TUBGCP4: variants seen among roughly 807,000 people sequenced by gnomAD.
The protein encoded by TUBGCP4 is tubulin gamma complex component 4, also known as gamma-tubulin complex component 4.
A neutral mutation model predicts 91.6 loss-of-function variants in TUBGCP4; 54 were observed. That is an observed-to-expected ratio of 0.59 (90% CI 0.47 to 0.74). TUBGCP4 has a LOEUF of 0.74. Among genes scored for constraint, TUBGCP4 ranks in the 30% least tolerant of loss-of-function variants. The pLI is 0.00. For synonymous variants in TUBGCP4, 297 were observed against 302.8 expected (o/e 0.98, Z 0.20); for missense variants, 593 against 800.9 (o/e 0.74, Z 3.13).
chr15:43,404,050 T>TCTAA (rs762829633), intron 16 of TUBGCP4: 7 of 539,378 alleles, frequency 1.3e-5, no homozygotes, highest in Non-Finnish European at 2.3e-5. Context: ...ATTGGGTTGT[T>TCTAA]CTAACTTCCT....
chr15:43,409,055 A>G lies in TUBGCP4; in HGVS notation c.*3841A>G. The G allele has an allele frequency of 6.2e-7, 1 of 1,614,244 alleles. No individual in the cohort carries two copies. Among genetic ancestry groups the G allele is most frequent in the Non-Finnish European group, 8.5e-7 (1 of 1,180,042 alleles). On this transcript the variant is annotated 3_prime_UTR_variant, in exon 18 of 18. Coordinates refer to ENST00000564079, the MANE Select transcript of TUBGCP4 (RefSeq NM_014444.5). ...ACAGGAAGTACTTCCGGGTTCGACA[A>G]TGCTGATCCGCAATTAGAAGACACT...
intron 9 of TUBGCP4, among the ~76,000 whole-genome samples, chr15:43,392,100 A>ACACACC: frequency 6.6e-6 from 1 of 151,052 alleles, no homozygotes; most frequent in African/African-American, 2.4e-5. Flanking sequence ...ACACACACAC[A>ACACACC]CACACACACA....
At chr15:43,391,429 G>A (rs2044466579) in intron 9 of TUBGCP4, 1 of 152,254 alleles carries the variant, frequency 6.6e-6, no homozygotes, top group Non-Finnish European at 1.5e-5. Context: ...TAGAACTCTT[G>A]GCTTCAAGCA....
intron 9 of TUBGCP4, among the ~76,000 whole-genome samples, chr15:43,388,673 T>A (rs147421383): frequency 2.6e-5 from 4 of 152,304 alleles, no homozygotes; most frequent in African/African-American, 7.2e-5. Context: ...ATAGAAAAAT[T>A]GTTTTTTCTT....
At chr15:43,403,539 T>C (rs1277977780) in intron 15 of TUBGCP4, 144 bp from the exon 16 acceptor site, 21 of 628,080 alleles carry the variant, frequency 3.3e-5, no homozygotes, top group Non-Finnish European at 5.4e-5. Context: ...CTGGCAGGCC[T>C]TGCACGTGGC....
At chr15:43,389,824 G>A (rs923156300) in intron 9 of TUBGCP4, among the ~76,000 whole-genome samples, 15 of 152,144 alleles carry the variant, frequency 9.9e-5, no homozygotes, top group Non-Finnish European at 2.2e-4. Flanking sequence ...CGAATGAGGA[G>A]CATAGTCAGG....
rs755297629 is a variant in TUBGCP4 at position 43,376,201 on chromosome 15, A to G, written c.182A>G (p.Gln61Arg). 3 of 1,613,958 alleles carry G rather than the reference A, an allele frequency of 1.9e-6. No individual in the cohort carries two copies. The East Asian group carries it at 6.7e-5, about 36-fold the overall frequency. The change falls in exon 2 of 18, where the codon CAG becomes CGG. Residue 61 changes from glutamine (Q) to arginine (R), a missense_variant. By Grantham distance (43) the Gln-to-Arg change is conservative (BLOSUM62 1). Coordinates refer to ENST00000564079, the MANE Select transcript of TUBGCP4 (RefSeq NM_014444.5). Reference sequence around the variant, plus strand: ...ATTCGCTTCACTGAGTTCATTGAACAGTACACGGGCCATGTGCAACAGCAG... The same window carrying G: ...ATTCGCTTCACTGAGTTCATTGAACGGTACACGGGCCATGTGCAACAGCAG... ...DYIRFTEFIEQYTGHVQQQDH... is the reference protein window; with the variant it reads ...DYIRFTEFIERYTGHVQQQDH...
intron 9 of TUBGCP4, among the ~76,000 whole-genome samples, chr15:43,389,534 CTCTT>C (rs2044433472): frequency 6.6e-6 from 1 of 152,092 alleles, no homozygotes; most frequent in Non-Finnish European, 1.5e-5. Flanking sequence ...TTATCAACTG[CTCTT>C]TCTGTGTCAA....
Position 43,406,521 on chromosome 15 carries a change from C to T in TUBGCP4, c.*1307C>T. 1 of 449,522 alleles carries T rather than the reference C, an allele frequency of 2.2e-6. No homozygotes were observed. Among genetic ancestry groups the T allele is most frequent in the Non-Finnish European group, 4.5e-6 (1 of 224,494 alleles). The allele number at this position is 449,522 out of a possible 1,614,324, so 27.8% of individuals were successfully genotyped here. ...CTCATTGTCTATGGTTGCTTTCATGCCCTCACAGCAAAGGCGAGTAGTTGT... is the reference window on the plus strand; with the variant it reads ...CTCATTGTCTATGGTTGCTTTCATGTCCTCACAGCAAAGGCGAGTAGTTGT... On this transcript the variant is annotated 3_prime_UTR_variant, in exon 18 of 18. Transcript: ENST00000564079.
In TUBGCP4 at chr15:43,385,324, A is replaced by G. The variant is rs899703184; in HGVS notation, c.724-467A>G. The G allele has an allele frequency of 1.5e-5, 7 of 455,462 alleles. 1 individual carries two copies. The highest frequency in any genetic ancestry group is 3.1e-5 in the South Asian group (2 of 64,520). 28.2% of individuals were successfully genotyped at this position (455,462 alleles called of 1,614,324 possible). ...ATCCATAGCTTTTATGATTGCAGAG[A>G]GGTCTGTGACCTAAAAATTAAAACT... is the stretch of plus-strand genomic sequence containing the variant. On this transcript the variant is annotated intron_variant, in intron 7 of 17. Coordinates refer to ENST00000564079, the MANE Select transcript of TUBGCP4 (RefSeq NM_014444.5).
Position 43,397,305 on chromosome 15 carries a change from C to T in TUBGCP4, c.1263C>T (p.His421=), listed in dbSNP as rs372562661. Residue 421 remains histidine, a synonymous_variant, in exon 12 of 18, where the codon CAC becomes CAT. Coordinates refer to ENST00000564079, the MANE Select transcript of TUBGCP4 (RefSeq NM_014444.5). ...TGTTGCACTTGACAATCGAGTATCA[C>T]GGAAAGGAGCACAAAGGTTTGCCAT... ...LPLLHLTIEY[H]GKEHKDATQA... The T allele has an allele frequency of 3.1e-5, 50 of 1,613,858 alleles. No individual in the cohort carries two copies. The highest frequency in any genetic ancestry group is 2.6e-4 in the South Asian group (24 of 91,066).
intron 6 of TUBGCP4, among the ~76,000 whole-genome samples, chr15:43,381,265 A>G (rs552400879): frequency 6.6e-6 from 1 of 152,274 alleles, no homozygotes; most frequent in African/African-American, 2.4e-5. Flanking sequence ...GCAGGGACCA[A>G]ACTTTACAGA....
At chr15:43,396,034 G>A (rs988567901) in intron 11 of TUBGCP4, among the ~76,000 whole-genome samples, 3 of 152,144 alleles carry the variant, frequency 2.0e-5, no homozygotes, top group Non-Finnish European at 2.9e-5. Flanking sequence ...AAACTCACCC[G>A]AACTAGCCTA....
At chr15:43,400,423 G>T (rs1215932821) in intron 14 of TUBGCP4, among the ~76,000 whole-genome samples, 1 of 151,926 alleles carries the variant, frequency 6.6e-6, no homozygotes, top group Non-Finnish European at 1.5e-5. Flanking sequence ...TTAGAGACAG[G>T]GTCTTTCTCT....
chr15:43,372,420 G>GA (rs540904360), intron 1 of TUBGCP4, among the ~76,000 whole-genome samples: 4 of 151,982 alleles, frequency 2.6e-5, no homozygotes, highest in Admixed American at 1.3e-4. Flanking sequence ...GTGAATTTTT[G>GA]AAAAAAACAG....
At position 43,408,349 on chromosome 15, in the gene TUBGCP4, C is replaced by T. The variant is rs143944804; in HGVS notation, c.*3135C>T. The T allele has an allele frequency of 1.6e-4, 58 of 356,798 alleles. No homozygotes were observed. Among genetic ancestry groups the T allele is most frequent in the East Asian group, 3.6e-4 (6 of 16,600 alleles). 22.1% of individuals were successfully genotyped at this position (356,798 alleles called of 1,614,324 possible). A position where few individuals can be genotyped will look rare whatever the true frequency, so the allele number is the denominator to read the frequency against. ...CAAAAAAATTAGCTGGGTGTGGTGG[C>T]GAGTGCCTGTAGTCCCAGCAGCTTG... is the stretch of plus-strand genomic sequence containing the variant. On this transcript the variant is annotated 3_prime_UTR_variant, in exon 18 of 18. Transcript: ENST00000564079.
chr15:43,375,075 G>A lies in TUBGCP4; in HGVS notation c.79-1023G>A, dbSNP rs544906402. 1.6e-4 allele frequency among the ~76,000 whole-genome samples: 25 copies of A among 152,310 alleles called. No individual in the cohort carries two copies. The Middle Eastern group carries it at 0.014, about 83-fold the overall frequency. ...CCACCACCACGCCTGGCTAATTTTCGTATTTTTAGTAGAGACAGGGTTTCA... is the reference window on the plus strand; with the variant it reads ...CCACCACCACGCCTGGCTAATTTTCATATTTTTAGTAGAGACAGGGTTTCA... On this transcript the variant is annotated intron_variant, in intron 1 of 17. Transcript: ENST00000564079.
At chr15:43,401,671 G>A in intron 14 of TUBGCP4, 45 bp from the exon 15 acceptor site, 1 of 1,605,092 alleles carries the variant, frequency 6.2e-7, no homozygotes. Flanking sequence ...GTCTTCGAGT[G>A]CTTAGAATAT....
chr15:43,401,944 C>T, intron 15 of TUBGCP4, 94 bp downstream of exon 15: 1 of 1,471,564 alleles, frequency 6.8e-7, no homozygotes, highest in Non-Finnish European at 9.2e-7. Flanking sequence ...CATCATTAAG[C>T]AATTATTCAA....
Sources: gnomAD v4.1 joint callset for allele counts (sites outside exome capture counted in the v4.1 genomes callset) on GRCh38, gnomAD v4.1.1 for gene constraint, MANE v1.5 for transcripts, NCBI Gene and HGNC (gene_info 2026-07-23, HGNC 2026-07-21) for gene names.